The following SLC25A26 variants were observed in gnomAD, a reference collection of about 807,000 sequenced individuals.
The protein encoded by SLC25A26 is mitochondrial S-adenosylmethionine carrier protein.
In SLC25A26, 36 loss-of-function variants were observed where a neutral mutation model predicts 37.8. The observed-to-expected ratio is 0.95, with a 90% CI of 0.73 to 1.26. The LOEUF is 1.26. Among genes scored for constraint, SLC25A26 ranks in the 50% most tolerant of loss-of-function variants. SLC25A26 has a pLI of 0.00. For missense variants in SLC25A26, 390 were observed against 331.1 expected, an observed-to-expected ratio of 1.18 and a Z score of -1.38; for synonymous variants, 129 against 122.5, an observed-to-expected ratio of 1.05 and a Z score of -0.35.
At chr3:66,175,745 G>C (rs1288835552) in intron 1 of SLC25A26, among the ~76,000 whole-genome samples, 1 of 152,236 alleles carries the variant, frequency 6.6e-6, no homozygotes, top group Non-Finnish European at 1.5e-5. Context: ...GAGGCAGAAG[G>C]AATTCTCTCT....
chr3:66,259,504 C>A (rs13069746), intron 3 of SLC25A26, among the ~76,000 whole-genome samples: 4,566 of 152,184 alleles, frequency 0.03, 253 homozygotes, highest in Admixed American at 0.14. Flanking sequence ...TTGGGACCAC[C>A]ATATGCCTAT....
chr3:66,224,090 A>T (rs2106896252), intron 1 of SLC25A26, among the ~76,000 whole-genome samples: 1 of 152,308 alleles, frequency 6.6e-6, no homozygotes, highest in Non-Finnish European at 1.5e-5. Flanking sequence ...ATGAGATAAA[A>T]TTAAGAGAAA....
intron 1 of SLC25A26, among the ~76,000 whole-genome samples, chr3:66,232,171 G>A (rs1285122471): frequency 6.6e-6 from 1 of 152,132 alleles, no homozygotes; most frequent in Non-Finnish European, 1.5e-5. Context: ...TTGTCCTCCA[G>A]TAGATTATGG....
At chr3:66,250,965 G>A (rs1449957635) in intron 3 of SLC25A26, among the ~76,000 whole-genome samples, 2 of 152,090 alleles carry the variant, frequency 1.3e-5, no homozygotes, top group Non-Finnish European at 2.9e-5. Context: ...TGTGTTTGTG[G>A]CAGGGCAGCT....
chr3:66,376,579 T>A (rs546276023), intron 9 of SLC25A26, among the ~76,000 whole-genome samples: 22 of 152,342 alleles, frequency 1.4e-4, no homozygotes, highest in Non-Finnish European at 2.9e-4. Flanking sequence ...ATGTACAATT[T>A]TTAGACATAA....
chr3:66,216,063 C>T (rs2071356300), upstream of SLC25A26, among the ~76,000 whole-genome samples: 1 of 152,170 alleles, frequency 6.6e-6, no homozygotes, highest in Non-Finnish European at 1.5e-5. Flanking sequence ...CTTTGTGAAG[C>T]TTCTTTTACG....
chr3:66,285,685 C>G (rs1003128104), intron 5 of SLC25A26, among the ~76,000 whole-genome samples: 4 of 151,908 alleles, frequency 2.6e-5, no homozygotes, highest in Middle Eastern at 3.4e-3. Context: ...ATCTCCAACT[C>G]CTGACCTCAA....
intron 5 of SLC25A26, among the ~76,000 whole-genome samples, chr3:66,336,303 T>G (rs889235617): frequency 3.3e-5 from 5 of 152,176 alleles, no homozygotes; most frequent in African/African-American, 1.2e-4. Flanking sequence ...CTTGACGCAT[T>G]GGTCATTCAT....
intron 1 of SLC25A26, among the ~76,000 whole-genome samples, chr3:66,187,768 TG>T (rs1434725795): frequency 6.9e-6 from 1 of 143,904 alleles, no homozygotes; most frequent in African/African-American, 2.6e-5. Flanking sequence ...ACCTTGTCCC[TG>T]AGACTCATCC....
chr3:66,253,023 GC>G (rs33979268), intron 3 of SLC25A26, among the ~76,000 whole-genome samples: 7,498 of 106,690 alleles, frequency 0.07, 583 homozygotes, highest in East Asian at 0.29. Flanking sequence ...GCAAAATAAT[GC>G]CCCCCCCCCC....
chr3:66,246,876 G>T (rs972548514), intron 3 of SLC25A26, among the ~76,000 whole-genome samples: 12 of 152,086 alleles, frequency 7.9e-5, no homozygotes, highest in African/African-American at 2.7e-4. Flanking sequence ...TTTTTATTTT[G>T]TTTAAGACGG....
At chr3:66,290,091 G>A (rs1391499386) in intron 5 of SLC25A26, among the ~76,000 whole-genome samples, 1 of 152,110 alleles carries the variant, frequency 6.6e-6, no homozygotes, top group Non-Finnish European at 1.5e-5. Context: ...TTGTGAATGG[G>A]AATTCACTCA....
chr3:66,143,111 G>C (rs1479644505), intron 1 of SLC25A26, among the ~76,000 whole-genome samples: 1 of 151,784 alleles, frequency 6.6e-6, no homozygotes, highest in African/African-American at 2.4e-5. Flanking sequence ...ACCTAGCAAT[G>C]GGTTAGAAAA....
intron 1 of SLC25A26, among the ~76,000 whole-genome samples, chr3:66,149,628 C>T (rs903132825): frequency 6.6e-6 from 1 of 152,080 alleles, no homozygotes; most frequent in African/African-American, 2.4e-5. Flanking sequence ...ATGATTATTG[C>T]CATTGTCCAG....
At chr3:66,334,827 A>G (rs189351474) in intron 5 of SLC25A26, among the ~76,000 whole-genome samples, 143 of 151,524 alleles carry the variant, frequency 9.4e-4, no homozygotes, top group African/African-American at 3.2e-3. Context: ...CGTGTGATGT[A>G]TGCCACCGAG....
At chr3:66,183,540 C>T (rs2070757676) in intron 1 of SLC25A26, among the ~76,000 whole-genome samples, 1 of 152,048 alleles carries the variant, frequency 6.6e-6, no homozygotes, top group Non-Finnish European at 1.5e-5. Flanking sequence ...CTGATGCTGA[C>T]ATTGACCTTT....
chr3:66,186,105 A>G (rs968975958), intron 1 of SLC25A26, among the ~76,000 whole-genome samples: 1 of 151,830 alleles, frequency 6.6e-6, no homozygotes, highest in African/African-American at 2.4e-5. Context: ...ACCCTGATGC[A>G]TACCTGACCC....
chr3:66,238,247 G>C (rs2072393120), intron 2 of SLC25A26, among the ~76,000 whole-genome samples: 1 of 147,640 alleles, frequency 6.8e-6, no homozygotes, highest in African/African-American at 2.6e-5. Flanking sequence ...TCAAAAATCA[G>C]AATATAACTT....
At position 66,331,924 on chromosome 3, in the gene SLC25A26, T is replaced by C. The variant is rs554906554; in HGVS notation, c.454-14440T>C. On this transcript the variant is annotated intron_variant, in intron 5 of 9. Coordinates refer to ENST00000354883, the MANE Select transcript of SLC25A26 (RefSeq NM_001379210.1). ...CACACCCAGCCAAAAAGTTTTTTGTTTTTTTTTGTTTGTTTGTTTGTTTTT... is the reference window on the plus strand; with the variant it reads ...CACACCCAGCCAAAAAGTTTTTTGTCTTTTTTTGTTTGTTTGTTTGTTTTT... 7.9e-5 allele frequency among the ~76,000 whole-genome samples: 12 copies of C among 152,100 alleles called. No homozygotes were observed. The South Asian group carries it at 1.0e-3, about 13-fold the overall frequency.
Sources: allele counts gnomAD v4.1 joint callset (sites outside exome capture counted in the v4.1 genomes callset), GRCh38; gene constraint gnomAD v4.1.1; transcripts MANE v1.5; gene names NCBI Gene and HGNC (gene_info 2026-07-23, HGNC 2026-07-21).